The following KANSL1L variants were observed in gnomAD, a reference collection of about 807,000 sequenced individuals.
KANSL1L encodes the protein KAT8 regulatory NSL complex subunit 1 like, also known as KAT8 regulatory NSL complex subunit 1-like protein.
In KANSL1L, 25 loss-of-function variants were observed where a neutral mutation model predicts 108.6. That is an observed-to-expected ratio of 0.23 (90% CI 0.17 to 0.32). KANSL1L has a LOEUF of 0.32. Ranked by LOEUF, KANSL1L falls within the 10% of genes least tolerant of loss-of-function variation. KANSL1L has a pLI of 1.00. For synonymous variants in KANSL1L, 405 were observed against 395.1 expected, an observed-to-expected ratio of 1.03 and a Z score of -0.30; for missense variants, 1,137 against 1,125.7, an observed-to-expected ratio of 1.01 and a Z score of -0.14.
chr2:210,166,457 T>G (rs1416514505), intron 1 of KANSL1L, among the ~76,000 whole-genome samples: 3 of 152,098 alleles, frequency 2.0e-5, no homozygotes, highest in African/African-American at 7.2e-5. Flanking sequence ...CGCTCAGAGT[T>G]GAAACTGATA....
intron 2 of KANSL1L, among the ~76,000 whole-genome samples, chr2:210,130,273 G>T (rs997946002): frequency 2.0e-5 from 3 of 152,142 alleles, no homozygotes; most frequent in African/African-American, 7.2e-5. Flanking sequence ...CAGGGGATAT[G>T]TGGGAACTCT....
At chr2:210,090,965 A>G (rs1053586239) in intron 5 of KANSL1L, among the ~76,000 whole-genome samples, 5 of 152,204 alleles carry the variant, frequency 3.3e-5, no homozygotes, top group East Asian at 3.8e-4. Flanking sequence ...CTCAAAATTC[A>G]CAACTAATTT....
chr2:210,072,251 T>C (rs886993991), intron 6 of KANSL1L, among the ~76,000 whole-genome samples: 3 of 152,244 alleles, frequency 2.0e-5, no homozygotes, highest in Non-Finnish European at 4.4e-5. Context: ...GCCAGTTGTT[T>C]TTTAATACTG....
chr2:210,148,470 T>C (rs921067140), intron 2 of KANSL1L, among the ~76,000 whole-genome samples: 5 of 152,150 alleles, frequency 3.3e-5, no homozygotes, highest in Non-Finnish European at 7.3e-5. Flanking sequence ...ACTGGGCTCC[T>C]TCACCAAATA....
intron 3 of KANSL1L, among the ~76,000 whole-genome samples, chr2:210,117,132 G>T (rs1328990933): frequency 6.6e-6 from 1 of 152,122 alleles, no homozygotes; most frequent in East Asian, 1.9e-4. Flanking sequence ...TCTCTTAACA[G>T]CAGGATTAAT....
intron 5 of KANSL1L, among the ~76,000 whole-genome samples, chr2:210,084,499 A>T (rs999002842): frequency 6.6e-6 from 1 of 152,236 alleles, no homozygotes; most frequent in Non-Finnish European, 1.5e-5. Flanking sequence ...AAAGCTTCAG[A>T]TATAATATTA....
intron 5 of KANSL1L, among the ~76,000 whole-genome samples, chr2:210,081,484 GCACT>G (rs2094589506): frequency 6.6e-6 from 1 of 152,120 alleles, no homozygotes; most frequent in African/African-American, 2.4e-5. Context: ...TGAAAGGTGA[GCACT>G]CACTGTTCAC....
intron 3 of KANSL1L, among the ~76,000 whole-genome samples, chr2:210,113,679 A>C (rs914846054): frequency 3.9e-5 from 6 of 152,210 alleles, no homozygotes; most frequent in Non-Finnish European, 8.8e-5. Flanking sequence ...AAATGATGTG[A>C]AAAAGTCAAG....
At position 210,154,270 on chromosome 2, in the gene KANSL1L, T is replaced by G; in HGVS notation, c.313A>C (p.Ser105Arg). The G allele has an allele frequency of 6.2e-7, 1 of 1,613,936 alleles. No individual in the cohort carries two copies. Among genetic ancestry groups the G allele is most frequent in the Non-Finnish European group, 8.5e-7 (1 of 1,179,886 alleles). The change falls in exon 2 of 15, where the codon AGT becomes CGT. Residue 105 changes from serine (S) to arginine (R), a missense_variant. By Grantham distance (110) the Ser-to-Arg change is moderately radical. Around this residue, in one of 3 missense-constraint regions of KANSL1L, gnomAD observed 556 missense variants for 537.7 expected, o/e 1.03. Transcript: ENST00000281772. ...NYKQKKLGEP[S>R]CNKLKNILYN... ...AGTATGTTTTTCAGCTTATTGCAAC[T>G]GGGCTCCCCTAATTTCTTTTGTTTA...
At chr2:210,084,975 T>C (rs963483705) in intron 5 of KANSL1L, among the ~76,000 whole-genome samples, 4 of 152,110 alleles carry the variant, frequency 2.6e-5, no homozygotes, top group African/African-American at 9.7e-5. Context: ...TAAAAGAGAC[T>C]TAGGAGACAT....
At chr2:210,062,409 T>A (rs1289738227) in intron 6 of KANSL1L, among the ~76,000 whole-genome samples, 1 of 152,148 alleles carries the variant, frequency 6.6e-6, no homozygotes, top group African/African-American at 2.4e-5. Context: ...TAAATTGGTA[T>A]CAATAGAGTA....
At chr2:210,101,176 C>A (rs1349925480) in intron 4 of KANSL1L, among the ~76,000 whole-genome samples, 1 of 152,142 alleles carries the variant, frequency 6.6e-6, no homozygotes, top group Non-Finnish European at 1.5e-5. Flanking sequence ...GCAATGAGAC[C>A]TAAAATGATA....
chr2:210,144,455 TG>T lies in KANSL1L; in HGVS notation c.1088+9039del, dbSNP rs550464967. 6.1e-3 allele frequency among the ~76,000 whole-genome samples: 925 copies of T among 152,322 alleles called. 7 individuals carry two copies. The highest frequency in any genetic ancestry group is 0.017 in the Middle Eastern group (5 of 294). Reference sequence around the variant, plus strand: ...ATTGCTATAATGTGAACATTAGCTCTGTTGAGGATATCCCATAAATCACACA... The same window carrying T: ...ATTGCTATAATGTGAACATTAGCTCTTTGAGGATATCCCATAAATCACACA... On this transcript the variant is annotated intron_variant, in intron 2 of 14. Transcript: ENST00000281772.
chr2:210,150,993 T>C (rs1363435889), intron 2 of KANSL1L, among the ~76,000 whole-genome samples: 1 of 152,024 alleles, frequency 6.6e-6, no homozygotes, highest in Non-Finnish European at 1.5e-5. Context: ...AATAACATAG[T>C]TCAAAACAGT....
chr2:210,166,722 C>T (rs1043219925), intron 1 of KANSL1L, among the ~76,000 whole-genome samples: 1 of 152,000 alleles, frequency 6.6e-6, no homozygotes, highest in African/African-American at 2.4e-5. Context: ...AAAACATTAT[C>T]AGAAAGACAG....
At chr2:210,056,802 A>G (rs191871443) in intron 6 of KANSL1L, among the ~76,000 whole-genome samples, 30 of 152,020 alleles carry the variant, frequency 2.0e-4, no homozygotes, top group Admixed American at 5.9e-4. Context: ...TTTCAAATGT[A>G]TTTTCTTATT....
intron 7 of KANSL1L, among the ~76,000 whole-genome samples, chr2:210,041,046 C>T (rs2094158675): frequency 6.6e-6 from 1 of 152,142 alleles, no homozygotes; most frequent in South Asian, 2.1e-4. Context: ...TCAAAGTTCA[C>T]ATTCCCTTAA....
intron 2 of KANSL1L, among the ~76,000 whole-genome samples, chr2:210,143,199 T>G (rs2095242372): frequency 6.6e-6 from 1 of 152,162 alleles, no homozygotes; most frequent in Non-Finnish European, 1.5e-5. Flanking sequence ...ACTTACCTTT[T>G]TGTCTTTTTT....
intron 5 of KANSL1L, chr2:210,096,713 T>C (rs1559552317): frequency 7.3e-6 from 7 of 958,932 alleles, no homozygotes; most frequent in Admixed American, 6.2e-5. Context: ...AATATCATAG[T>C]TATCCTATAC....
Sources: gnomAD v4.1 joint callset for allele counts (sites outside exome capture counted in the v4.1 genomes callset) on GRCh38, gnomAD v4.1.1 for gene constraint, gnomAD v4.1.1 regional missense constraint, MANE v1.5 for transcripts, NCBI Gene and HGNC (gene_info 2026-07-23, HGNC 2026-07-21) for gene names.